Variants in TEK observed in about 807,000 individuals in gnomAD.
TEK encodes the protein TEK receptor tyrosine kinase, also known as angiopoietin-1 receptor.
In TEK, 43 loss-of-function variants were observed where a neutral mutation model predicts 131.8. The observed-to-expected ratio is 0.33, with a 90% CI of 0.26 to 0.42. The LOEUF (loss-of-function observed/expected upper bound fraction) is 0.42, where lower values mean the gene tolerates loss of function less well. Ranked by LOEUF, TEK falls within the 10% of genes least tolerant of loss-of-function variation. The pLI, the probability that TEK is intolerant of heterozygous loss-of-function variation, is 1.00. For synonymous variants in TEK, 580 were observed against 491.6 expected, an observed-to-expected ratio of 1.18 and a Z score of -2.38; for missense variants, 1,162 against 1,384.4, an observed-to-expected ratio of 0.84 and a Z score of 2.55.
rs773791142 is a variant in TEK at position 27,109,660 on chromosome 9, T to A, written c.52+18T>A. 6.2e-7 allele frequency: 1 copy of A among 1,613,152 alleles called. No homozygotes were observed. Among genetic ancestry groups the A allele is most frequent in the Non-Finnish European group, 8.5e-7 (1 of 1,179,266 alleles). On this transcript the variant is annotated intron_variant, in intron 1 of 22. Coordinates refer to ENST00000380036, the MANE Select transcript of TEK (RefSeq NM_000459.5). ...CCTTTCTGGTAAGGTTTGGCTTTAT[T>A]TTTTTTAATTTAGTATTTTAAAAAA...
chr9:27,116,584 T>A (rs1821569174), intron 1 of TEK, among the ~76,000 whole-genome samples: 1 of 151,690 alleles, frequency 6.6e-6, no homozygotes, highest in Admixed American at 6.6e-5. Flanking sequence ...CACCTGGCCA[T>A]AAAGGAAGAT....
intron 12 of TEK, among the ~76,000 whole-genome samples, chr9:27,200,319 C>T (rs1439095855): frequency 6.6e-6 from 1 of 152,184 alleles, no homozygotes; most frequent in Non-Finnish European, 1.5e-5. Flanking sequence ...TGCTCACTCA[C>T]CTAAACTACA....
At chr9:27,223,039 TG>T (rs2131254515) in intron 21 of TEK, among the ~76,000 whole-genome samples, 1 of 152,208 alleles carries the variant, frequency 6.6e-6, no homozygotes, top group Admixed American at 6.5e-5. Flanking sequence ...CATTACATAA[TG>T]GTAAAGGGAT....
intron 11 of TEK, among the ~76,000 whole-genome samples, chr9:27,196,308 G>A (rs2131194315): frequency 6.6e-6 from 1 of 152,224 alleles, no homozygotes; most frequent in African/African-American, 2.4e-5. Context: ...TATTAAAGCA[G>A]TTTCCTATTT....
At chr9:27,139,217 A>AAAAAAAAG (rs1242683804) in intron 1 of TEK, among the ~76,000 whole-genome samples, 1 of 149,960 alleles carries the variant, frequency 6.7e-6, no homozygotes, top group African/African-American at 2.5e-5. Flanking sequence ...TGTCTCAAAA[A>AAAAAAAAG]AAAAAAAACA....
chr9:27,199,962 T>G (rs923539354), intron 12 of TEK, among the ~76,000 whole-genome samples: 2 of 152,226 alleles, frequency 1.3e-5, no homozygotes, highest in Non-Finnish European at 2.9e-5. Flanking sequence ...TTCTCTGTGT[T>G]TTTCCTAGTA....
intron 2 of TEK, among the ~76,000 whole-genome samples, chr9:27,160,825 C>T (rs568024477): frequency 1.3e-5 from 2 of 152,164 alleles, no homozygotes; most frequent in Non-Finnish European, 2.9e-5. Context: ...TGCAGCTCTC[C>T]GTTGAGGGAA....
rs534867466 is a variant in TEK at position 27,185,539 on chromosome 9, C to G, written c.1237C>G (p.Arg413Gly). Residue 413 changes from arginine (R) to glycine (G), a missense_variant, in exon 9 of 23, where the codon CGG (arginine) becomes GGG (glycine). By Grantham distance (125) the Arg-to-Gly change is moderately radical. Coordinates refer to ENST00000380036, the MANE Select transcript of TEK (RefSeq NM_000459.5). ...HFSVAIFTIH[R>G]ILPPDSGVWV... Reference sequence around the variant, plus strand: ...CTCAGTAGCCATATTCACCATCCACCGGATCCTCCCCCCTGACTCAGGAGT... The same window carrying G: ...CTCAGTAGCCATATTCACCATCCACGGGATCCTCCCCCCTGACTCAGGAGT... 2.5e-6 allele frequency: 4 copies of G among 1,613,792 alleles called. No homozygotes were observed. The highest frequency in any genetic ancestry group is 2.2e-5 in the South Asian group (2 of 91,072).
intron 11 of TEK, among the ~76,000 whole-genome samples, chr9:27,193,334 A>G (rs1318226042): frequency 6.6e-6 from 1 of 152,138 alleles, no homozygotes; most frequent in African/African-American, 2.4e-5. Context: ...TTCGGATTCA[A>G]TGGTTTTGAG....
intron 1 of TEK, among the ~76,000 whole-genome samples, chr9:27,126,497 C>T (rs980785097): frequency 6.6e-5 from 10 of 152,274 alleles, no homozygotes; most frequent in Admixed American, 6.5e-4. Context: ...TGGGAAAGTG[C>T]TTTTGAGGTT....
At chr9:27,182,623 C>T (rs1468545300) in intron 7 of TEK, among the ~76,000 whole-genome samples, 2 of 152,134 alleles carry the variant, frequency 1.3e-5, no homozygotes, top group African/African-American at 2.4e-5. Flanking sequence ...GCACCTCTAT[C>T]GCCTACATTG....
At chr9:27,202,789 T>G in intron 12 of TEK, 31 bp from the exon 13 acceptor site, 1 of 1,606,522 alleles carries the variant, frequency 6.2e-7, no homozygotes, top group South Asian at 1.1e-5. Context: ...TAGTATATCT[T>G]AAGTGAATCT....
At chr9:27,186,511 T>G (rs997394710) in intron 9 of TEK, among the ~76,000 whole-genome samples, 1 of 152,202 alleles carries the variant, frequency 6.6e-6, no homozygotes, top group Non-Finnish European at 1.5e-5. Context: ...AGACACAATT[T>G]GTTTTCTGAA....
Position 27,202,857 on chromosome 9 carries a change from C to T in TEK, c.1947C>T (p.Asn649=), listed in dbSNP as rs770907961. The T allele has an allele frequency of 2.5e-6, 4 of 1,613,996 alleles. No homozygotes were observed. The Admixed American group carries it at 5.0e-5, about 20-fold the overall frequency. Residue 649 remains asparagine, a synonymous_variant, in exon 13 of 23, where the codon AAC becomes AAT. Coordinates refer to ENST00000380036, the MANE Select transcript of TEK (RefSeq NM_000459.5). ...AACCAGAAAACATCAAGATTTCCAA[C>T]ATTACACACTCCTCAGCTGTGATTT... ...PPQPENIKIS[N]ITHSSAVISW...
chr9:27,178,903 T>C (rs746374140), intron 6 of TEK, among the ~76,000 whole-genome samples: 1 of 152,240 alleles, frequency 6.6e-6, no homozygotes, highest in African/African-American at 2.4e-5. Context: ...TCTTGATTTT[T>C]AGTTTTTAGC....
rs1825274892 is a variant in TEK at position 27,202,993 on chromosome 9, A to T, written c.2083A>T (p.Thr695Ser). 3 of 1,613,982 alleles carry T rather than the reference A, an allele frequency of 1.9e-6. No individual in the cohort carries two copies. Among genetic ancestry groups the T allele is most frequent in the Non-Finnish European group, 1.7e-6 (2 of 1,180,012 alleles). ...TGTGAAGATAAAGAATGCCACCATC[A>T]CTCAGTATCAGCTCAAGGGCCTAGA... is the stretch of plus-strand genomic sequence containing the variant. ...VDVKIKNATI[T>S]QYQLKGLEPE... The change falls in exon 13 of 23, where the codon ACT (threonine) becomes TCT (serine). Residue 695 changes from threonine to serine, a missense_variant. This residue lies in a region of TEK where 477 missense variants were observed against 471.0 expected (regional missense o/e 1.01). Transcript: ENST00000380036.
chr9:27,129,097 A>C (rs1822111325), intron 1 of TEK, among the ~76,000 whole-genome samples: 1 of 152,162 alleles, frequency 6.6e-6, no homozygotes, highest in South Asian at 2.1e-4. Context: ...CTTCATTATG[A>C]CATTGGCTGT....
At chr9:27,195,833 T>C (rs1824985408) in intron 11 of TEK, among the ~76,000 whole-genome samples, 1 of 152,168 alleles carries the variant, frequency 6.6e-6, no homozygotes. Context: ...CTTGGAGAGA[T>C]TATGAATTTG....
intron 22 of TEK, among the ~76,000 whole-genome samples, chr9:27,228,844 G>C (rs1253962244): frequency 1.3e-5 from 2 of 152,158 alleles, no homozygotes; most frequent in Non-Finnish European, 2.9e-5. Context: ...ATGAGATTCA[G>C]ACAGAGGAAG....
Sources: allele counts gnomAD v4.1 joint callset (sites outside exome capture counted in the v4.1 genomes callset), GRCh38; gene constraint gnomAD v4.1.1; regional missense constraint gnomAD v4.1.1; transcripts MANE v1.5; gene names NCBI Gene and HGNC (gene_info 2026-07-23, HGNC 2026-07-21).